Variants in SURF4 observed in about 807,000 individuals in gnomAD.
The protein encoded by SURF4 is surfeit locus protein 4.
In SURF4, 3 loss-of-function variants were observed where a neutral mutation model predicts 30.0. The ratio of observed to expected loss-of-function variants is 0.10; its 90% CI spans 0.05 to 0.26. The LOEUF is 0.26. Among genes scored for constraint, SURF4 ranks in the 10% least tolerant of loss-of-function variants. The pLI is 1.00. For missense variants in SURF4, 217 were observed against 350.8 expected, an observed-to-expected ratio of 0.62 and a Z score of 3.05; for synonymous variants, 143 against 139.9, an observed-to-expected ratio of 1.02 and a Z score of -0.16.
At chr9:133,375,578 G>A (rs952980155) in intron 1 of SURF4, among the ~76,000 whole-genome samples, 1 of 152,158 alleles carries the variant, frequency 6.6e-6, no homozygotes, top group African/African-American at 2.4e-5. Flanking sequence ...GGCGCTCCCC[G>A]CGAGCCTCAG....
chr9:133,373,852 G>T (rs183823745), intron 1 of SURF4, among the ~76,000 whole-genome samples: 2 of 142,138 alleles, frequency 1.4e-5, no homozygotes, highest in Non-Finnish European at 3.0e-5. Flanking sequence ...CGGGAGGCGG[G>T]GGTTGCAGTG....
chr9:133,376,607 G>C, upstream of SURF4: 1 of 1,502,136 alleles, frequency 6.7e-7, no homozygotes, highest in South Asian at 1.2e-5. Flanking sequence ...TGGGGTAACG[G>C]TCGCAACCCT....
intron 1 of SURF4, chr9:133,371,018 A>G: frequency 1.6e-6 from 2 of 1,279,822 alleles, no homozygotes; most frequent in Non-Finnish European, 2.0e-6. Flanking sequence ...AGACGACTGA[A>G]GGGGATTTTA....
intron 5 of SURF4, 45 bp downstream of exon 5, chr9:133,364,795 C>A (rs2130109055): frequency 6.9e-6 from 11 of 1,602,378 alleles, no homozygotes; most frequent in Admixed American, 1.7e-5. Flanking sequence ...GGAGGGACAG[C>A]ATTCACAGGA....
chr9:133,366,250 T>C lies in SURF4; in HGVS notation c.313-222A>G, dbSNP rs148661646. Among the ~76,000 whole-genome samples, 3 of 152,364 alleles carry C rather than the reference T, an allele frequency of 2.0e-5. No individual in the cohort carries two copies. The South Asian group carries it at 6.2e-4, about 32-fold the overall frequency. The stretch of plus-strand genomic sequence containing the variant: ...GAGAACAAAGTGATTCTGAGACCAC[T>C]GATGTGGATTCAGATATTCTGTTCC... On this transcript the variant is annotated intron_variant, in intron 3 of 5. Transcript: ENST00000371989.
At chr9:133,377,733 T>C (rs1838026897), upstream of SURF4, among the ~76,000 whole-genome samples, 1 of 152,192 alleles carries the variant, frequency 6.6e-6, no homozygotes. Flanking sequence ...GAAGACAATT[T>C]TTCCACAGAT....
intron 1 of SURF4, chr9:133,372,706 G>A: frequency 2.2e-6 from 2 of 890,774 alleles, no homozygotes; most frequent in Non-Finnish European, 2.7e-6. Context: ...TGACTTCCAT[G>A]GTAATCCTCT....
chr9:133,370,861 T>C (rs2130183442), intron 1 of SURF4: 1 of 1,289,458 alleles, frequency 7.8e-7, no homozygotes, highest in South Asian at 1.2e-5. Flanking sequence ...AGGAAGAAGA[T>C]GACAGTTAGC....
At chr9:133,366,477 G>A in intron 3 of SURF4, 122 bp downstream of exon 3, 1 of 1,084,908 alleles carries the variant, frequency 9.2e-7, no homozygotes, top group South Asian at 1.4e-5. Flanking sequence ...AGGAGCTCCA[G>A]GCAGTCAGAG....
At chr9:133,373,261 T>C (rs1318396256) in intron 1 of SURF4, among the ~76,000 whole-genome samples, 1 of 152,172 alleles carries the variant, frequency 6.6e-6, no homozygotes, top group Non-Finnish European at 1.5e-5. Context: ...TCAAGAGCCT[T>C]TCCAGTTCCA....
chr9:133,365,883 G>A, intron 4 of SURF4, 102 bp downstream of exon 4: 4 of 1,228,582 alleles, frequency 3.3e-6, no homozygotes, highest in South Asian at 2.5e-5. Context: ...GCGTCATGTT[G>A]GTGCCCAAGA....
At chr9:133,375,793 G>T (rs1837876194) in intron 1 of SURF4, 129 bp downstream of exon 1, 2 of 962,498 alleles carry the variant, frequency 2.1e-6, no homozygotes, top group African/African-American at 1.7e-5. Context: ...GGGCGGGGGG[G>T]TCCCCCTGTG....
At chr9:133,366,433 C>T (rs2130125980) in intron 3 of SURF4, among the ~76,000 whole-genome samples, 166 bp downstream of exon 3, 2 of 152,300 alleles carry the variant, frequency 1.3e-5, no homozygotes, top group Admixed American at 1.3e-4. Context: ...GCCTCTACAG[C>T]CCTGCTTGGG....
chr9:133,377,249 T>C (rs1358160152), upstream of SURF4, among the ~76,000 whole-genome samples: 3 of 152,112 alleles, frequency 2.0e-5, no homozygotes, highest in Admixed American at 2.0e-4. Context: ...TTCAGGAATA[T>C]ACCTGCTTTT....
Position 133,365,348 on chromosome 9 carries a change from C to T in SURF4, c.357-322G>A, listed in dbSNP as rs2130116509. 3.8e-3 allele frequency among the ~76,000 whole-genome samples: 585 copies of T among 152,242 alleles called. 3 individuals are homozygous for T. The highest frequency in any genetic ancestry group is 0.012 in the African/African-American group (484 of 41,536). The stretch of plus-strand genomic sequence containing the variant: ...GCTGGGTCCCCGTGGTCAGGTCTGT[C>T]CTCCACTCAGACCCGGAGTCCCCAC... On this transcript the variant is annotated intron_variant, in intron 4 of 5. Coordinates refer to ENST00000371989, the MANE Select transcript of SURF4 (RefSeq NM_033161.4).
chr9:133,364,575 C>T (rs1837044749), intron 5 of SURF4, among the ~76,000 whole-genome samples: 1 of 152,000 alleles, frequency 6.6e-6, no homozygotes, highest in Non-Finnish European at 1.5e-5. Flanking sequence ...GCCTGTAGTC[C>T]CAGCTGCTCG....
chr9:133,364,118 T>G (rs1837012468), intron 5 of SURF4, among the ~76,000 whole-genome samples: 2 of 152,206 alleles, frequency 1.3e-5, no homozygotes, highest in Non-Finnish European at 2.9e-5. Flanking sequence ...CCAGGAGCTC[T>G]TCCTGGACAC....
intron 1 of SURF4, among the ~76,000 whole-genome samples, chr9:133,374,957 G>A (rs2130231202): frequency 6.6e-6 from 1 of 152,086 alleles, no homozygotes; most frequent in East Asian, 1.9e-4. Flanking sequence ...GTAAACCGAG[G>A]AAAAAACGGC....
chr9:133,375,544 C>A (rs1024950356), intron 1 of SURF4, among the ~76,000 whole-genome samples: 3 of 152,164 alleles, frequency 2.0e-5, no homozygotes, highest in Non-Finnish European at 4.4e-5. Flanking sequence ...CGTGCGGGGA[C>A]CCCCCAGCAG....
Sources: gnomAD v4.1 joint callset for allele counts (sites outside exome capture counted in the v4.1 genomes callset) on GRCh38, gnomAD v4.1.1 for gene constraint, MANE v1.5 for transcripts, NCBI Gene and HGNC (gene_info 2026-07-23, HGNC 2026-07-21) for gene names.